CRISP3: variants seen among roughly 807,000 people sequenced by gnomAD.
The protein encoded by CRISP3 is cysteine rich secretory protein 3, also known as cysteine-rich secretory protein 3.
Under a neutral mutation model 36.1 loss-of-function variants are expected in CRISP3, and 33 were observed. The ratio of observed to expected loss-of-function variants is 0.91; its 90% CI spans 0.69 to 1.22. CRISP3 has a LOEUF of 1.22. CRISP3 is among the 50% of genes most tolerant of loss of function. The pLI is 0.00. For synonymous variants in CRISP3, 117 were observed against 104.6 expected, an observed-to-expected ratio of 1.12 and a Z score of -0.72; for missense variants, 330 against 301.2, an observed-to-expected ratio of 1.10 and a Z score of -0.71.
rs1004501255 is a variant in CRISP3 at position 49,732,559 on chromosome 6, G to A, written c.560+636C>T. 6.7e-4 allele frequency among the ~76,000 whole-genome samples: 102 copies of A among 152,130 alleles called. 1 individual carries two copies. Among genetic ancestry groups the A allele is most frequent in the African/African-American group, 2.3e-3 (95 of 41,510 alleles). On this transcript the variant is annotated intron_variant, in intron 6 of 7. Coordinates refer to ENST00000263045, the MANE Select transcript of CRISP3 (RefSeq NM_006061.4). ...AAAGTGGACTTTCTGCAGAAAACCC[G>A]AGATAATTAAGAAATTAGGATCTTA...
chr6:49,735,306 C>A (rs528359575), intron 4 of CRISP3, among the ~76,000 whole-genome samples, 198 bp downstream of exon 4: 1 of 152,020 alleles, frequency 6.6e-6, no homozygotes, highest in Admixed American at 6.6e-5. Flanking sequence ...CTGTGTGAGA[C>A]GGTTTTTGTA....
In CRISP3 at chr6:49,727,783, G is replaced by C. The variant is rs767922173; in HGVS notation, c.*947C>G. The C allele has an allele frequency of 6.6e-6, 1 of 152,108 alleles. No individual in the cohort carries two copies. The highest frequency in any genetic ancestry group is 1.5e-5 in the Non-Finnish European group (1 of 67,992). The allele number at this position is 152,108 out of a possible 1,614,324, so 9.4% of individuals were successfully genotyped here. ...AATGTCCTTCAACTTGAGTTTGCTG[G>C]ATGTTTTAGCTCATAATTAGATTGG... is the stretch of plus-strand genomic sequence containing the variant. On this transcript the variant is annotated 3_prime_UTR_variant, in exon 8 of 8. Coordinates refer to ENST00000263045, the MANE Select transcript of CRISP3 (RefSeq NM_006061.4).
Position 49,733,217 on chromosome 6 carries a change from AG to A in CRISP3, c.537del (p.Tyr180MetfsTer53), listed in dbSNP as rs1561907395. ...YCPNQKVLKY[Y>X]YVCQYCPAGN... ...TACGCAGGACAATATTGGCAAACAT[AG>A]TAGTATTTTAGAACTTTTTGATTGG... On this transcript the variant is annotated frameshift_variant, in exon 6 of 8. Coordinates refer to ENST00000263045, the MANE Select transcript of CRISP3 (RefSeq NM_006061.4). LOFTEE classifies it high-confidence loss of function. The A allele has an allele frequency of 6.2e-7, 1 of 1,603,880 alleles. No individual in the cohort carries two copies. The highest frequency in any genetic ancestry group is 8.5e-7 in the Non-Finnish European group (1 of 1,172,210).
At chr6:49,729,329 C>T (rs964426186) in intron 7 of CRISP3, among the ~76,000 whole-genome samples, 6 of 152,110 alleles carry the variant, frequency 3.9e-5, no homozygotes, top group African/African-American at 1.4e-4. Flanking sequence ...TGAACATCTT[C>T]ATCACTGTAG....
Position 49,737,463 on chromosome 6 carries a change from A to G in CRISP3, c.38-65T>C, listed in dbSNP as rs534275368. On this transcript the variant is annotated intron_variant, in intron 1 of 7. Transcript: ENST00000263045. Reference sequence around the variant, plus strand: ...AATGATTGGTACATGCTGTTGAGTAACATGGGGGTGGGAGAAACGTAATGA... The same window carrying G: ...AATGATTGGTACATGCTGTTGAGTAGCATGGGGGTGGGAGAAACGTAATGA... 108 of 1,560,448 alleles carry G rather than the reference A, an allele frequency of 6.9e-5. No homozygotes were observed. The African/African-American group carries it at 1.4e-3, about 21-fold the overall frequency.
At chr6:49,734,291 T>C (rs1265986796) in intron 4 of CRISP3, among the ~76,000 whole-genome samples, 1 of 152,148 alleles carries the variant, frequency 6.6e-6, no homozygotes, top group Admixed American at 6.6e-5. Context: ...TCTGAATAAG[T>C]GGTTAGAATT....
At chr6:49,739,271 G>A (rs1769139443) in intron 1 of CRISP3, among the ~76,000 whole-genome samples, 2 of 152,120 alleles carry the variant, frequency 1.3e-5, no homozygotes, top group Admixed American at 1.3e-4. Flanking sequence ...AGACAATTAG[G>A]TATTCTTCTT....
intron 7 of CRISP3, among the ~76,000 whole-genome samples, chr6:49,729,422 T>C (rs947393036): frequency 1.3e-5 from 2 of 152,118 alleles, no homozygotes; most frequent in Non-Finnish European, 2.9e-5. Context: ...TAGGAAGATG[T>C]AAATGTATAA....
chr6:49,742,123 G>C (rs1302277920), intron 1 of CRISP3, among the ~76,000 whole-genome samples: 1 of 151,424 alleles, frequency 6.6e-6, no homozygotes. Context: ...ACAGTATCTG[G>C]GAAACAACAA....
intron 2 of CRISP3, among the ~76,000 whole-genome samples, chr6:49,737,063 A>T (rs1769072692): frequency 6.6e-6 from 1 of 152,178 alleles, no homozygotes; most frequent in Non-Finnish European, 1.5e-5. Context: ...GTTTTACCAC[A>T]TTAAAAAAAA....
At chr6:49,735,206 G>A (rs1769011643) in intron 4 of CRISP3, among the ~76,000 whole-genome samples, 1 of 152,062 alleles carries the variant, frequency 6.6e-6, no homozygotes, top group Non-Finnish European at 1.5e-5. Flanking sequence ...TTTTCTTCCA[G>A]GCTGTTGATT....
At chr6:49,742,757 A>G (rs1323764016) in intron 1 of CRISP3, among the ~76,000 whole-genome samples, 1 of 152,164 alleles carries the variant, frequency 6.6e-6, no homozygotes, top group Non-Finnish European at 1.5e-5. Context: ...ATTTAATATT[A>G]TTGTAGGAAC....
Position 49,735,506 on chromosome 6 carries a change from G to T in CRISP3, c.314C>A (p.Thr105Lys). The T allele has an allele frequency of 6.2e-7, 1 of 1,601,500 alleles. No homozygotes were observed. Among genetic ancestry groups the T allele is most frequent in the Non-Finnish European group, 8.5e-7 (1 of 1,171,418 alleles). ...YRHSNPKDRM[T>K]SLKCGENLYM... The stretch of plus-strand genomic sequence containing the variant: ...CAAATATTTCCTAATTTACATACTT[G>T]TCATTCGATCCTTTGGGTTACTGTG... The change falls in exon 4 of 8, where the codon ACA (threonine) becomes AAA (lysine). Residue 105 changes from threonine to lysine, a missense_variant and splice_region_variant. Transcript: ENST00000263045.
Position 49,728,437 on chromosome 6 carries a change from G to A in CRISP3, c.*293C>T. ...GGTTTTAGTGAACTTAGTCATATGA[G>A]AATACAACTTTCAAAATTTTCACCC... On this transcript the variant is annotated 3_prime_UTR_variant, in exon 8 of 8. Coordinates refer to ENST00000263045, the MANE Select transcript of CRISP3 (RefSeq NM_006061.4). 2 of 206,554 alleles carry A rather than the reference G, an allele frequency of 9.7e-6. No individual in the cohort carries two copies. The highest frequency in any genetic ancestry group is 1.1e-4 in the East Asian group (1 of 9,210). The allele number at this position is 206,554 out of a possible 1,614,324, so 12.8% of individuals were successfully genotyped here.
At chr6:49,729,194 T>C (rs1768853166) in intron 7 of CRISP3, among the ~76,000 whole-genome samples, 1 of 152,120 alleles carries the variant, frequency 6.6e-6, no homozygotes, top group African/African-American at 2.4e-5. Flanking sequence ...TGTTTAAACT[T>C]AAATTAATTA....
At chr6:49,732,433 A>T (rs1768937652) in intron 6 of CRISP3, among the ~76,000 whole-genome samples, 1 of 152,200 alleles carries the variant, frequency 6.6e-6, no homozygotes, top group Non-Finnish European at 1.5e-5. Context: ...AACTTCAAAT[A>T]TTAAAAGGAA....
At chr6:49,741,133 C>CA (rs879324171) in intron 1 of CRISP3, among the ~76,000 whole-genome samples, 159 of 40,112 alleles carry the variant, frequency 4.0e-3, no homozygotes, top group Middle Eastern at 0.037. Context: ...ACAAAAAAAA[C>CA]AAACAAAAAA....
intron 4 of CRISP3, 45 bp from the exon 5 acceptor site, chr6:49,733,893 A>G (rs1452070654): frequency 1.3e-6 from 2 of 1,565,376 alleles, no homozygotes; most frequent in African/African-American, 2.7e-5. Context: ...TAAAGCATGC[A>G]ATGGCAAAAT....
rs1768810448 is a variant in CRISP3 at position 49,728,016 on chromosome 6, T to C, written c.*714A>G. On this transcript the variant is annotated 3_prime_UTR_variant, in exon 8 of 8. Transcript: ENST00000263045. The stretch of plus-strand genomic sequence containing the variant: ...GGGAGAGGACTGAGTTCTACCTCCT[T>C]GAGTGGAGGGTATTTACCTATATTA... 6.6e-6 allele frequency: 1 copy of C among 152,138 alleles called. No homozygotes were observed. Among genetic ancestry groups the C allele is most frequent in the Non-Finnish European group, 1.5e-5 (1 of 67,992 alleles). 9.4% of individuals were successfully genotyped at this position (152,138 alleles called of 1,614,324 possible).
Sources: allele counts gnomAD v4.1 joint callset (sites outside exome capture counted in the v4.1 genomes callset), GRCh38; gene constraint gnomAD v4.1.1; transcripts MANE v1.5; gene names NCBI Gene and HGNC (gene_info 2026-07-23, HGNC 2026-07-21).